The following TFG variants were observed in gnomAD, a reference collection of about 807,000 sequenced individuals.
The protein encoded by TFG is protein TFG.
In TFG, 22 loss-of-function variants were observed where a neutral mutation model predicts 51.4. That is an observed-to-expected ratio of 0.43 (90% CI 0.31 to 0.61). The LOEUF (loss-of-function observed/expected upper bound fraction) is 0.61, where lower values mean the gene tolerates loss of function less well. Ranked by LOEUF, TFG falls within the 20% of genes least tolerant of loss-of-function variation. The probability of loss-of-function intolerance (pLI) is 0.12; values close to 1 mark genes in which losing one functional copy is unlikely to be tolerated. For missense variants in TFG, 419 were observed against 487.7 expected, an observed-to-expected ratio of 0.86 and a Z score of 1.33; for synonymous variants, 187 against 165.6, an observed-to-expected ratio of 1.13 and a Z score of -0.99.
intron 3 of TFG, among the ~76,000 whole-genome samples, chr3:100,723,145 T>C (rs1576361533): frequency 6.6e-6 from 1 of 152,270 alleles, no homozygotes; most frequent in East Asian, 1.9e-4. Context: ...ACAAAAATAC[T>C]GGGCAATAAT....
chr3:100,747,918 G>A (rs941983799), intron 7 of TFG, among the ~76,000 whole-genome samples: 3 of 152,046 alleles, frequency 2.0e-5, no homozygotes, highest in African/African-American at 7.2e-5. Context: ...GCTATGTCAG[G>A]AATTTGCTCT....
At chr3:100,729,089 T>C (rs2095084247) in intron 4 of TFG, among the ~76,000 whole-genome samples, 1 of 152,178 alleles carries the variant, frequency 6.6e-6, no homozygotes, top group Non-Finnish European at 1.5e-5. Context: ...TACTGGAGCG[T>C]AGCACCTGGA....
rs1236634403 is a variant in TFG, at chr3:100,748,519, T to C, written c.1191T>C (p.Pro397=). The C allele has an allele frequency of 1.2e-6, 2 of 1,610,814 alleles. No homozygotes were observed. ...PFGQGYTQPG[P]GYR ...GTCAGGGCTATACCCAACCTGGACC[T>C]GGTTATCGATAAGGAGGCTCCTCTA... The change falls in exon 8 of 8, where the codon CCT becomes CCC. Residue 397 remains proline, a synonymous_variant. Transcript: ENST00000240851.
chr3:100,732,374 G>GT (rs1426781548), intron 4 of TFG, 134 bp from the exon 5 acceptor site: 7 of 506,584 alleles, frequency 1.4e-5, no homozygotes, highest in Non-Finnish European at 2.3e-5. Flanking sequence ...AAAATGATCT[G>GT]TAATCCTATA....
chr3:100,733,662 G>T (rs2095097989), intron 5 of TFG, among the ~76,000 whole-genome samples: 1 of 151,854 alleles, frequency 6.6e-6, no homozygotes, highest in African/African-American at 2.4e-5. Context: ...CTGTTTCTTT[G>T]CCTGTCTGAT....
chr3:100,745,275 G>A (rs146870214), intron 7 of TFG, among the ~76,000 whole-genome samples: 4 of 152,132 alleles, frequency 2.6e-5, no homozygotes, highest in Non-Finnish European at 5.9e-5. Context: ...CCATTTATAT[G>A]TAACACGTAA....
intron 3 of TFG, among the ~76,000 whole-genome samples, chr3:100,727,435 C>T (rs2095079113): frequency 6.6e-6 from 1 of 152,152 alleles, no homozygotes; most frequent in Non-Finnish European, 1.5e-5. Context: ...CAAAGAATCG[C>T]CCTGAACTTT....
At chr3:100,744,459 G>C (rs2095129597) in intron 6 of TFG, 1 of 164,312 alleles carries the variant, frequency 6.1e-6, no homozygotes, top group Non-Finnish European at 1.3e-5. Flanking sequence ...GATATAAATG[G>C]TATTTGTCCC....
chr3:100,720,382 A>G (rs2095057445), intron 3 of TFG, among the ~76,000 whole-genome samples: 1 of 152,208 alleles, frequency 6.6e-6, no homozygotes, highest in South Asian at 2.1e-4. Flanking sequence ...CTTCCTTCAC[A>G]TTACAGTATG....
intron 6 of TFG, among the ~76,000 whole-genome samples, chr3:100,738,853 A>T (rs2095113808): frequency 6.6e-6 from 1 of 152,190 alleles, no homozygotes; most frequent in African/African-American, 2.4e-5. Context: ...GTTTAAGAAA[A>T]GGTAAAATTA....
At chr3:100,731,640 T>C (rs2095091909) in intron 4 of TFG, among the ~76,000 whole-genome samples, 1 of 152,152 alleles carries the variant, frequency 6.6e-6, no homozygotes, top group Admixed American at 6.5e-5. Context: ...CACTACAAAC[T>C]TTGCCTCCTG....
At chr3:100,734,880 A>G (rs535083115) in intron 5 of TFG, among the ~76,000 whole-genome samples, 13 of 152,224 alleles carry the variant, frequency 8.5e-5, no homozygotes, top group Non-Finnish European at 1.9e-4. Context: ...ATGTTGAATT[A>G]TAGTAGGAAA....
At position 100,732,936 on chromosome 3, in the gene TFG, T is replaced by C. The variant is rs10936343; in HGVS notation, c.580+264T>C. On this transcript the variant is annotated intron_variant, in intron 5 of 7. Transcript: ENST00000240851. The stretch of plus-strand genomic sequence containing the variant: ...CCTCCCCCTTAAAGAATAAGCACTG[T>C]TGGGTTCAAGTAAATTTTTGAAAGT... Among the ~76,000 whole-genome samples, 48,600 of 152,088 alleles carry C rather than the reference T, an allele frequency of 0.32. 8,657 individuals are homozygous for C. The highest frequency in any genetic ancestry group is 0.49 in the South Asian group (2,344 of 4,820).
rs2095157977 is a variant in TFG at position 100,748,655 on chromosome 3, A to C, written c.*124A>C. The C allele has an allele frequency of 9.1e-7, 1 of 1,100,792 alleles. No homozygotes were observed. Among genetic ancestry groups the C allele is most frequent in the Non-Finnish European group, 1.2e-6 (1 of 802,236 alleles). The allele number at this position is 1,100,792 out of a possible 1,614,324, so 68.2% of individuals were successfully genotyped here. ...AAAGCAGAGCATTTTTTATGATATC[A>C]TTGTTGGTGTTAATTGAAAGTATAA... On this transcript the variant is annotated 3_prime_UTR_variant, in exon 8 of 8. Transcript: ENST00000240851.
At chr3:100,739,410 GATA>G (rs1313916596) in intron 6 of TFG, among the ~76,000 whole-genome samples, 1 of 151,844 alleles carries the variant, frequency 6.6e-6, no homozygotes, top group East Asian at 1.9e-4. Flanking sequence ...AACCAAAAGG[GATA>G]ATGTTACTCT....
intron 4 of TFG, 71 bp from the exon 5 acceptor site, chr3:100,732,437 T>G: frequency 1.8e-6 from 2 of 1,094,044 alleles, no homozygotes; most frequent in Non-Finnish European, 2.7e-6. Context: ...ATTATTTCCC[T>G]TGTACTTTTA....
At chr3:100,719,533 G>A (rs2095055159) in intron 2 of TFG, among the ~76,000 whole-genome samples, 1 of 152,176 alleles carries the variant, frequency 6.6e-6, no homozygotes, top group Non-Finnish European at 1.5e-5. Context: ...ATTCATTAAA[G>A]CAGTTTTGCA....
intron 5 of TFG, among the ~76,000 whole-genome samples, chr3:100,736,303 C>T (rs2095106041): frequency 6.6e-6 from 1 of 151,998 alleles, no homozygotes; most frequent in Non-Finnish European, 1.5e-5. Flanking sequence ...ATTGGCATTG[C>T]AGACATGAGT....
chr3:100,714,098 ATT>A (rs1043001542), intron 2 of TFG, among the ~76,000 whole-genome samples: 1 of 151,876 alleles, frequency 6.6e-6, no homozygotes, highest in Non-Finnish European at 1.5e-5. Context: ...TATTTTGCCC[ATT>A]TTTATTGGAC....
Sources: gnomAD v4.1 joint callset for allele counts (sites outside exome capture counted in the v4.1 genomes callset) on GRCh38, gnomAD v4.1.1 for gene constraint, MANE v1.5 for transcripts, NCBI Gene and HGNC (gene_info 2026-07-23, HGNC 2026-07-21) for gene names.